NXN: variants seen among roughly 807,000 people sequenced by gnomAD.
The protein encoded by NXN is nucleoredoxin 1.
Under a neutral mutation model 48.6 loss-of-function variants are expected in NXN, and 16 were observed. The ratio of observed to expected loss-of-function variants is 0.33; its 90% CI spans 0.22 to 0.50. The LOEUF is 0.50. NXN is among the 20% of genes least tolerant of loss of function. The pLI is 0.98. For missense variants in NXN, 492 were observed against 605.5 expected (o/e 0.81, Z 1.97); for synonymous variants, 281 against 269.6 (o/e 1.04, Z -0.41).
At chr17:975,475 T>C (rs2069447396) in intron 1 of NXN, among the ~76,000 whole-genome samples, 1 of 152,208 alleles carries the variant, frequency 6.6e-6, no homozygotes, top group African/African-American at 2.4e-5. Context: ...TCATTGAGTC[T>C]GAACTGAAAG....
At chr17:948,586 T>C (rs1567514963) in intron 1 of NXN, among the ~76,000 whole-genome samples, 1 of 151,908 alleles carries the variant, frequency 6.6e-6, no homozygotes, top group Non-Finnish European at 1.5e-5. Flanking sequence ...GGGAAAGGAA[T>C]GTTTAAAAGC....
chr17:907,936 TG>T (rs1363248418), intron 1 of NXN: 2 of 152,118 alleles, frequency 1.3e-5, no homozygotes, highest in Non-Finnish European at 2.9e-5. Flanking sequence ...ACTCATGTAA[TG>T]GGCTCAGCAG....
At position 918,700 on chromosome 17, in the gene NXN, C is replaced by T. The variant is rs377731778; in HGVS notation, c.360+60619G>A. Among the ~76,000 whole-genome samples the T allele has an allele frequency of 3.3e-4, 49 of 146,520 alleles. 1 individual carries two copies. The East Asian group carries it at 8.6e-3, about 26-fold the overall frequency. On this transcript the variant is annotated intron_variant, in intron 1 of 7. Transcript: ENST00000336868. ...CCCAGCTACTCAGGAGGCTGAGGCA[C>T]GAGAATCGCTTGCACCCGGGAGGCA...
chr17:911,610 C>T (rs1245206098), intron 1 of NXN, among the ~76,000 whole-genome samples: 3 of 151,028 alleles, frequency 2.0e-5, no homozygotes, highest in Non-Finnish European at 4.4e-5. Flanking sequence ...ATTACAGCCG[C>T]CCACCACCAC....
chr17:888,237 G>T (rs1258473476), intron 1 of NXN, among the ~76,000 whole-genome samples: 3 of 152,160 alleles, frequency 2.0e-5, no homozygotes, highest in Non-Finnish European at 4.4e-5. Flanking sequence ...TTACTTCTTT[G>T]AGACAGGGCC....
chr17:911,851 G>GT (rs1014629078), intron 1 of NXN, among the ~76,000 whole-genome samples: 2 of 150,714 alleles, frequency 1.3e-5, no homozygotes, highest in Non-Finnish European at 2.9e-5. Flanking sequence ...AACATTTCAC[G>GT]TGAGTCTTTC....
At chr17:931,285 CAAAA>C (rs778432060) in intron 1 of NXN, among the ~76,000 whole-genome samples, 3 of 107,090 alleles carry the variant, frequency 2.8e-5, no homozygotes, top group Non-Finnish European at 2.0e-5. Flanking sequence ...AGACTCCATC[CAAAA>C]AAAAAAAAAA....
intron 1 of NXN, among the ~76,000 whole-genome samples, chr17:948,620 A>T (rs2069072279): frequency 6.6e-6 from 1 of 151,990 alleles, no homozygotes; most frequent in African/African-American, 2.4e-5. Context: ...AAGATCAGCC[A>T]GGGGTGAAAA....
rs1911333049 is a variant in NXN, at chr17:803,787, C to T, written c.1020G>A (p.Glu340=). 1 of 1,614,198 alleles carries T rather than the reference C, an allele frequency of 6.2e-7. No individual in the cohort carries two copies. The highest frequency in any genetic ancestry group is 8.5e-7 in the Non-Finnish European group (1 of 1,180,044). ...GAATCAGCTGCTTGGCCGCCTCGGA[C>T]TCTCCGTCATCCTCAGAATCTGTGA... ...VLFVDSEDDG[E]SEAAKQLIQP... Residue 340 remains glutamate, a synonymous_variant, in exon 7 of 8, where the codon GAG becomes GAA. Coordinates refer to ENST00000336868, the MANE Select transcript of NXN (RefSeq NM_022463.5).
At chr17:909,368 G>A (rs970381006) in intron 1 of NXN, among the ~76,000 whole-genome samples, 2 of 152,010 alleles carry the variant, frequency 1.3e-5, no homozygotes, top group East Asian at 3.9e-4. Flanking sequence ...ACCAAATAGA[G>A]GAATAGCGTT....
At chr17:953,212 TG>T (rs1431138263) in intron 1 of NXN, among the ~76,000 whole-genome samples, 1 of 151,974 alleles carries the variant, frequency 6.6e-6, no homozygotes, top group African/African-American at 2.4e-5. Flanking sequence ...GTCAGGAGTT[TG>T]AGACCAGCCT....
chr17:946,117 G>A (rs186265979), intron 1 of NXN, among the ~76,000 whole-genome samples: 2 of 152,114 alleles, frequency 1.3e-5, no homozygotes, highest in African/African-American at 4.8e-5. Flanking sequence ...TATTCTAGGC[G>A]CTTGAAAGTT....
At chr17:963,239 A>C (rs902020961) in intron 1 of NXN, among the ~76,000 whole-genome samples, 32 of 147,740 alleles carry the variant, frequency 2.2e-4, no homozygotes, top group East Asian at 5.9e-4. Flanking sequence ...ACACACACAC[A>C]CCCCTTTCAT....
rs527388036 is a variant in NXN at position 931,017 on chromosome 17, A to C, written c.360+48302T>G. Among the ~76,000 whole-genome samples, 8 of 151,978 alleles carry C rather than the reference A, an allele frequency of 5.3e-5. No individual in the cohort carries two copies. The South Asian group carries it at 6.2e-4, about 12-fold the overall frequency. ...AACTCCTGACCTCATGATCCGCCCG[A>C]CTCAGCCTCCCAAAGTGCCGGGATT... On this transcript the variant is annotated intron_variant, in intron 1 of 7. Coordinates refer to ENST00000336868, the MANE Select transcript of NXN (RefSeq NM_022463.5).
chr17:888,679 G>C (rs1025402926), intron 1 of NXN, among the ~76,000 whole-genome samples: 1 of 151,988 alleles, frequency 6.6e-6, no homozygotes, highest in African/African-American at 2.4e-5. Flanking sequence ...CAGAGGCCAG[G>C]TGTGGTGGCT....
chr17:932,083 G>A lies in NXN; in HGVS notation c.360+47236C>T, dbSNP rs1276331494. The stretch of plus-strand genomic sequence containing the variant: ...CGCTTGAACCTGGGAGACGGAGGTT[G>A]CAGTGAGCTGAGATTGCACCACTGC... On this transcript the variant is annotated intron_variant, in intron 1 of 7. Coordinates refer to ENST00000336868, the MANE Select transcript of NXN (RefSeq NM_022463.5). This position sits in a 1 kb window ranked among gnomAD's most constrained non-coding sequence, Gnocchi z 4.1. Among the ~76,000 whole-genome samples, 1 of 152,166 alleles carries A rather than the reference G, an allele frequency of 6.6e-6. No homozygotes were observed. The highest frequency in any genetic ancestry group is 2.4e-5 in the African/African-American group (1 of 41,428).
chr17:827,009 G>C (rs1262290159), intron 1 of NXN, among the ~76,000 whole-genome samples: 2 of 152,240 alleles, frequency 1.3e-5, no homozygotes, highest in African/African-American at 4.8e-5. Flanking sequence ...CATATGGGCA[G>C]GTGACTGGGT....
At chr17:863,844 A>G (rs75357964) in intron 1 of NXN, 1 of 885,876 alleles carries the variant, frequency 1.1e-6, no homozygotes, top group Non-Finnish European at 1.8e-6. Flanking sequence ...ACGTCATTCA[A>G]GGATCAACTG....
intron 1 of NXN, among the ~76,000 whole-genome samples, chr17:876,619 C>G (rs2068218779): frequency 6.6e-6 from 1 of 152,180 alleles, no homozygotes; most frequent in Admixed American, 6.6e-5. Context: ...GCGGGGAGCT[C>G]AACAGCGCTG....
Sources: allele counts gnomAD v4.1 joint callset (sites outside exome capture counted in the v4.1 genomes callset), GRCh38; gene constraint gnomAD v4.1.1; non-coding constraint Gnocchi (gnomAD v3.1); transcripts MANE v1.5; gene names NCBI Gene and HGNC (gene_info 2026-07-23, HGNC 2026-07-21).